FAM151B: variants seen among roughly 807,000 people sequenced by gnomAD.
FAM151B encodes protein FAM151B.
A neutral mutation model predicts 31.2 loss-of-function variants in FAM151B; 24 were observed. The ratio of observed to expected loss-of-function variants is 0.77; its 90% CI spans 0.56 to 1.08. The LOEUF (loss-of-function observed/expected upper bound fraction) is 1.08, where lower values mean the gene tolerates loss of function less well. Ranked by LOEUF, FAM151B falls within the 50% of genes least tolerant of loss-of-function variation. The pLI, the probability that FAM151B is intolerant of heterozygous loss-of-function variation, is 0.00. For synonymous variants in FAM151B, 105 were observed against 111.4 expected (o/e 0.94, Z 0.36); for missense variants, 293 against 328.6 (o/e 0.89, Z 0.84).
chr5:80,514,341 G>C (rs1744321304), intron 3 of FAM151B, among the ~76,000 whole-genome samples: 1 of 151,884 alleles, frequency 6.6e-6, no homozygotes, highest in Non-Finnish European at 1.5e-5. Flanking sequence ...CAAGCATGGT[G>C]GTGGGCGCCT....
At chr5:80,508,488 T>C (rs1744066906) in intron 2 of FAM151B, among the ~76,000 whole-genome samples, 1 of 152,128 alleles carries the variant, frequency 6.6e-6, no homozygotes, top group Non-Finnish European at 1.5e-5. Flanking sequence ...TATGAATTGG[T>C]ATCTCATTGT....
intron 5 of FAM151B, among the ~76,000 whole-genome samples, chr5:80,534,812 C>T (rs1745417739): frequency 6.6e-6 from 1 of 152,124 alleles, no homozygotes. Context: ...AGGAAGAAGT[C>T]AAATTATCCT....
intron 5 of FAM151B, among the ~76,000 whole-genome samples, chr5:80,524,650 A>AT (rs1045408013): frequency 2.0e-5 from 3 of 152,230 alleles, no homozygotes; most frequent in Admixed American, 6.5e-5. Context: ...AAGTCCATTT[A>AT]TTTTTTAAAA....
In FAM151B at chr5:80,521,992, T is replaced by C; in HGVS notation, c.536-11T>C. On this transcript the variant is annotated splice_polypyrimidine_tract_variant and intron_variant, in intron 4 of 5. Coordinates refer to ENST00000282226, the MANE Select transcript of FAM151B (RefSeq NM_205548.3). ...AATCAATAAAGTTAAATTTTTTTCTTTTCTTTTAAGGGTACAGTTGGACAA... is the reference window on the plus strand; with the variant it reads ...AATCAATAAAGTTAAATTTTTTTCTCTTCTTTTAAGGGTACAGTTGGACAA... 1 of 1,521,820 alleles carries C rather than the reference T, an allele frequency of 6.6e-7. No homozygotes were observed. Among genetic ancestry groups the C allele is most frequent in the East Asian group, 2.3e-5 (1 of 43,740 alleles). The allele number at this position is 1,521,820 out of a possible 1,614,324, so 94.3% of individuals were successfully genotyped here. A position where few individuals can be genotyped will look rare whatever the true frequency, so the allele number is the denominator to read the frequency against.
chr5:80,493,328 C>T (rs1275066034), intron 1 of FAM151B, among the ~76,000 whole-genome samples: 3 of 152,092 alleles, frequency 2.0e-5, no homozygotes, highest in Non-Finnish European at 2.9e-5. Context: ...TGAGAATGTA[C>T]GTCACCTCAG....
chr5:80,517,046 T>C (rs1316578699), intron 3 of FAM151B, among the ~76,000 whole-genome samples: 1 of 152,168 alleles, frequency 6.6e-6, no homozygotes, highest in Non-Finnish European at 1.5e-5. Flanking sequence ...ATCCACACCA[T>C]ATATGCTGCC....
rs1423375528 is a variant in FAM151B at position 80,538,483 on chromosome 5, T to TTTCCTTCC, written c.672-3179_672-3172dup. Among the ~76,000 whole-genome samples, 256 of 100,986 alleles carry TTTCCTTCC rather than the reference T, an allele frequency of 2.5e-3. 9 individuals carry two copies. The highest frequency in any genetic ancestry group is 6.1e-3 in the South Asian group (18 of 2,948). 66.3% of individuals were successfully genotyped at this position (100,986 alleles called of 152,430 possible). On this transcript the variant is annotated intron_variant, in intron 5 of 5. Transcript: ENST00000282226. Reference sequence around the variant, plus strand: ...CTTTCTTTCTTTCTTTCTTTCTTTCTTTCCTTCCTTCCTTCCTTTCTTTTC... The same window carrying TTTCCTTCC: ...CTTTCTTTCTTTCTTTCTTTCTTTCTTTCCTTCCTTCCTTCCTTCCTTCCTTTCTTTTC...
At chr5:80,505,788 G>A (rs550998801) in intron 2 of FAM151B, among the ~76,000 whole-genome samples, 164 of 106,192 alleles carry the variant, frequency 1.5e-3, no homozygotes, top group Non-Finnish European at 2.1e-3. Flanking sequence ...ACAGAGTCTC[G>A]CACTGTCATC....
chr5:80,509,978 A>G (rs1257364219), intron 2 of FAM151B, among the ~76,000 whole-genome samples: 1 of 152,200 alleles, frequency 6.6e-6, no homozygotes, highest in East Asian at 1.9e-4. Flanking sequence ...TCCAGCTTCC[A>G]TGAACAGTTC....
In FAM151B at chr5:80,541,525, A is replaced by G. The variant is rs953825487; in HGVS notation, c.672-148A>G. ...GTCCCTCTTGATGAAAGAATGAAAT[A>G]TGAAAGTACAGTTACACCATTGCTG... On this transcript the variant is annotated intron_variant, in intron 5 of 5. Coordinates refer to ENST00000282226, the MANE Select transcript of FAM151B (RefSeq NM_205548.3). 7 of 718,950 alleles carry G rather than the reference A, an allele frequency of 9.7e-6. No individual in the cohort carries two copies. In the African/African-American group the frequency reaches 1.3e-4, roughly 13 times the overall value. 44.5% of individuals were successfully genotyped at this position (718,950 alleles called of 1,614,324 possible).
chr5:80,517,908 C>G (rs1314364778), intron 3 of FAM151B, among the ~76,000 whole-genome samples: 6 of 151,914 alleles, frequency 3.9e-5, no homozygotes, highest in Non-Finnish European at 8.8e-5. Context: ...CCCATCTCTA[C>G]TGAAAATACA....
At chr5:80,524,395 C>CTATATTAACAAA (rs1744860528) in intron 5 of FAM151B, among the ~76,000 whole-genome samples, 1 of 152,058 alleles carries the variant, frequency 6.6e-6, no homozygotes. Flanking sequence ...ACAATATTAA[C>CTATATTAACAAA]TATAGTCCTC....
At chr5:80,501,216 C>T in intron 1 of FAM151B, 1 of 328,176 alleles carries the variant, frequency 3.0e-6, no homozygotes, top group Non-Finnish European at 5.7e-6. Flanking sequence ...GACAGGGTTC[C>T]ACCATGTTGG....
chr5:80,517,993 A>C (rs957289300), intron 3 of FAM151B, among the ~76,000 whole-genome samples: 7 of 149,896 alleles, frequency 4.7e-5, no homozygotes, highest in African/African-American at 1.7e-4. Context: ...AATGGCTTGA[A>C]CCCGGGATGC....
intron 1 of FAM151B, among the ~76,000 whole-genome samples, chr5:80,492,776 G>T (rs1743375451): frequency 6.6e-6 from 1 of 152,070 alleles, no homozygotes; most frequent in South Asian, 2.1e-4. Flanking sequence ...AACGTATCAA[G>T]ACCTTGTCTC....
chr5:80,541,576 T>A, intron 5 of FAM151B, 97 bp from the exon 6 acceptor site: 1 of 1,113,782 alleles, frequency 9.0e-7, no homozygotes, highest in Non-Finnish European at 1.3e-6. Flanking sequence ...TGAGTGCATT[T>A]GAGTTAGAGA....
At chr5:80,507,934 C>T (rs1266262965) in intron 2 of FAM151B, among the ~76,000 whole-genome samples, 1 of 152,156 alleles carries the variant, frequency 6.6e-6, no homozygotes, top group Non-Finnish European at 1.5e-5. Context: ...CTCTGCCTTG[C>T]TAACCCCTTA....
At chr5:80,533,160 G>A (rs1241755044) in intron 5 of FAM151B, among the ~76,000 whole-genome samples, 3 of 150,712 alleles carry the variant, frequency 2.0e-5, no homozygotes, top group Admixed American at 6.6e-5. Context: ...GGTGGATCAC[G>A]AGGTCAGGAG....
chr5:80,512,959 G>A (rs1239713505), intron 2 of FAM151B, among the ~76,000 whole-genome samples: 1 of 152,056 alleles, frequency 6.6e-6, no homozygotes, highest in African/African-American at 2.4e-5. Flanking sequence ...GGCATTTGGG[G>A]AATTACGGCC....
Sources: gnomAD v4.1 joint callset for allele counts (sites outside exome capture counted in the v4.1 genomes callset) on GRCh38, gnomAD v4.1.1 for gene constraint, MANE v1.5 for transcripts, NCBI Gene and HGNC (gene_info 2026-07-23, HGNC 2026-07-21) for gene names.